Variants in OTUD7A observed in about 807,000 individuals in gnomAD.
The protein encoded by OTUD7A is OTU domain-containing protein 7A.
Under a neutral mutation model 65.7 loss-of-function variants are expected in OTUD7A, and 12 were observed. The observed-to-expected ratio is 0.18, with a 90% CI of 0.12 to 0.30. The LOEUF (loss-of-function observed/expected upper bound fraction) is 0.30, where lower values mean the gene tolerates loss of function less well. Ranked by LOEUF, OTUD7A falls within the 10% of genes least tolerant of loss-of-function variation. The pLI, the probability that OTUD7A is intolerant of heterozygous loss-of-function variation, is 1.00. For synonymous variants in OTUD7A, 641 were observed against 586.3 expected, an observed-to-expected ratio of 1.09 and a Z score of -1.35; for missense variants, 1,148 against 1,304.8, an observed-to-expected ratio of 0.88 and a Z score of 1.85.
intron 8 of OTUD7A, among the ~76,000 whole-genome samples, chr15:31,506,597 A>G (rs2041572641): frequency 6.6e-6 from 1 of 152,178 alleles, no homozygotes; most frequent in Non-Finnish European, 1.5e-5. Context: ...TGTTTCAAAT[A>G]TTTGGCACAG....
At chr15:31,813,321 G>A (rs1896469011) in intron 1 of OTUD7A, among the ~76,000 whole-genome samples, 1 of 152,222 alleles carries the variant, frequency 6.6e-6, no homozygotes, top group Non-Finnish European at 1.5e-5. Context: ...CTGTACAGTA[G>A]AAACTCAATA....
intron 3 of OTUD7A, among the ~76,000 whole-genome samples, chr15:31,626,806 C>T (rs1246805743): frequency 6.6e-6 from 1 of 151,762 alleles, no homozygotes; most frequent in Non-Finnish European, 1.5e-5. Context: ...CAACTCCTCG[C>T]CTCAAGTGAT....
chr15:31,518,388 G>A (rs1361091886), intron 8 of OTUD7A, among the ~76,000 whole-genome samples: 2 of 151,988 alleles, frequency 1.3e-5, no homozygotes, highest in South Asian at 2.1e-4. Flanking sequence ...CAGGATCATC[G>A]CTTGAACCCA....
At chr15:31,530,594 G>A in intron 6 of OTUD7A, 113 bp downstream of exon 6, 2 of 941,954 alleles carry the variant, frequency 2.1e-6, no homozygotes, top group Middle Eastern at 2.5e-4. Flanking sequence ...AGTGACATGG[G>A]TGACTCTATT....
intron 1 of OTUD7A, among the ~76,000 whole-genome samples, chr15:31,695,226 C>T (rs1435922470): frequency 7.0e-6 from 1 of 141,964 alleles, no homozygotes; most frequent in African/African-American, 2.5e-5. Flanking sequence ...TAGAGTGCTG[C>T]AGTGAACATA....
intron 8 of OTUD7A, among the ~76,000 whole-genome samples, chr15:31,525,325 C>T (rs2041996077): frequency 6.6e-6 from 1 of 152,252 alleles, no homozygotes. Flanking sequence ...ATGGACATAA[C>T]ATAGCCTTAA....
Position 31,484,632 on chromosome 15 carries a change from C to A in OTUD7A, c.1464G>T (p.Val488=). The A allele has an allele frequency of 6.3e-7, 1 of 1,591,886 alleles. No individual in the cohort carries two copies. Among genetic ancestry groups the A allele is most frequent in the Non-Finnish European group, 8.5e-7 (1 of 1,170,320 alleles). ...CGTTATTGCTGTTAGAATTGCTGCA[C>A]ACCGAATCGCGGTCCGAGTCCAGCG... ...ADSLDSDRDS[V]CSNSNSNNGK... Residue 488 remains valine, a synonymous_variant, in exon 13 of 13, where the codon GTG becomes GTT. Coordinates refer to ENST00000307050, the MANE Select transcript of OTUD7A (RefSeq NM_001382637.1). This position sits in a 1 kb window ranked among gnomAD's most constrained non-coding sequence, Gnocchi z 4.5.
intron 1 of OTUD7A, among the ~76,000 whole-genome samples, chr15:31,842,796 G>A (rs1253574907): frequency 1.3e-5 from 2 of 152,086 alleles, no homozygotes; most frequent in Non-Finnish European, 2.9e-5. Flanking sequence ...CATGACTTAA[G>A]CCATAGTAGA....
At chr15:31,720,433 G>A (rs1432018294) in intron 1 of OTUD7A, among the ~76,000 whole-genome samples, 4 of 145,608 alleles carry the variant, frequency 2.7e-5, no homozygotes, top group South Asian at 4.3e-4. Flanking sequence ...ACGGAGTCTC[G>A]CTGTCGCCCA....
chr15:31,648,479 C>T (rs1251936970), intron 3 of OTUD7A, among the ~76,000 whole-genome samples: 3 of 152,156 alleles, frequency 2.0e-5, no homozygotes, highest in Admixed American at 6.5e-5. Flanking sequence ...GAGGACTGAG[C>T]TTGGACCACC....
At chr15:31,526,708 G>A (rs2042019727) in intron 7 of OTUD7A, among the ~76,000 whole-genome samples, 1 of 152,218 alleles carries the variant, frequency 6.6e-6, no homozygotes, top group Non-Finnish European at 1.5e-5. Flanking sequence ...CTCAGGGGCT[G>A]GGGATGACCG....
At chr15:31,755,459 C>T (rs1894785028) in intron 1 of OTUD7A, among the ~76,000 whole-genome samples, 2 of 152,148 alleles carry the variant, frequency 1.3e-5, no homozygotes, top group South Asian at 2.1e-4. Flanking sequence ...CGGCAGCTCA[C>T]GCCTGTAATA....
At chr15:31,609,062 G>A (rs1480378773) in intron 3 of OTUD7A, among the ~76,000 whole-genome samples, 3 of 152,210 alleles carry the variant, frequency 2.0e-5, no homozygotes, top group South Asian at 2.1e-4. Context: ...CGAAATACAG[G>A]GGTAGAGGAG....
At chr15:31,552,264 G>A (rs1888349637) in intron 5 of OTUD7A, among the ~76,000 whole-genome samples, 1 of 152,116 alleles carries the variant, frequency 6.6e-6, no homozygotes, top group Non-Finnish European at 1.5e-5. Flanking sequence ...AGCCAAATAA[G>A]CCTCTTTTCT....
In OTUD7A at chr15:31,736,746, C is replaced by T. The variant is rs562305539; in HGVS notation, c.-99-79669G>A. 3.3e-5 allele frequency among the ~76,000 whole-genome samples: 5 copies of T among 151,400 alleles called. No homozygotes were observed. The East Asian group carries it at 5.8e-4, about 17-fold the overall frequency. On this transcript the variant is annotated intron_variant, in intron 1 of 12. Transcript: ENST00000307050. Reference sequence around the variant, plus strand: ...AAATATAAATGTAAAATAAAATAACCGTAAAAATATTAAAAGAAAATATAT... The same window carrying T: ...AAATATAAATGTAAAATAAAATAACTGTAAAAATATTAAAAGAAAATATAT...
At chr15:31,833,738 C>T (rs1329227509) in intron 1 of OTUD7A, among the ~76,000 whole-genome samples, 4 of 152,302 alleles carry the variant, frequency 2.6e-5, no homozygotes, top group Non-Finnish European at 4.4e-5. Flanking sequence ...TAGCAGTTAT[C>T]GAATTCCTCA....
chr15:31,577,613 G>A (rs35732420), intron 3 of OTUD7A, among the ~76,000 whole-genome samples: 49,559 of 151,812 alleles, frequency 0.33, 10,530 homozygotes, highest in African/African-American at 0.61. Context: ...CACCTTGGGC[G>A]CTTGTTCTCA....
chr15:31,543,173 A>C (rs541412718), intron 5 of OTUD7A, among the ~76,000 whole-genome samples: 67 of 152,046 alleles, frequency 4.4e-4, no homozygotes, highest in African/African-American at 1.6e-3. Flanking sequence ...AGGATGAATA[A>C]AACTAAACTA....
intron 1 of OTUD7A, among the ~76,000 whole-genome samples, chr15:31,737,632 T>C (rs1277439509): frequency 1.3e-5 from 2 of 152,206 alleles, no homozygotes; most frequent in African/African-American, 4.8e-5. Flanking sequence ...TGGAAATATA[T>C]CTTACAGAAA....
Sources: gnomAD v4.1 joint callset for allele counts (sites outside exome capture counted in the v4.1 genomes callset) on GRCh38, gnomAD v4.1.1 for gene constraint, Gnocchi (gnomAD v3.1) non-coding constraint, MANE v1.5 for transcripts, NCBI Gene and HGNC (gene_info 2026-07-23, HGNC 2026-07-21) for gene names.